Variants in CEP128 observed in about 807,000 individuals in gnomAD.
CEP128 encodes centrosomal protein 128kDa.
Under a neutral mutation model 156.7 loss-of-function variants are expected in CEP128, and 132 were observed. That is an observed-to-expected ratio of 0.84 (90% confidence interval 0.73 to 0.97). The LOEUF is 0.97. CEP128 is among the 50% of genes least tolerant of loss of function. CEP128 has a pLI of 0.00. For synonymous variants in CEP128, 469 were observed against 448.9 expected (o/e 1.04, Z -0.57); for missense variants, 1,252 against 1,281.9 (o/e 0.98, Z 0.36).
intron 19 of CEP128, among the ~76,000 whole-genome samples, chr14:80,676,681 CCA>C (rs1052451885): frequency 6.8e-4 from 104 of 151,958 alleles, no homozygotes; most frequent in African/African-American, 2.3e-3. Flanking sequence ...GATTTTTTTC[CCA>C]CAGATATATC....
intron 2 of CEP128, among the ~76,000 whole-genome samples, chr14:80,931,193 T>C (rs532150637): frequency 6.6e-6 from 1 of 152,358 alleles, no homozygotes; most frequent in Non-Finnish European, 1.5e-5. Context: ...AGTCTTTGAA[T>C]GATTACCTAA....
Position 80,683,337 on chromosome 14 carries a change from G to C in CEP128, c.2806+59738C>G, listed in dbSNP as rs144003495. ...ATCACAATTCTTATATTAGATGAAAGAGACTTTAAACCAACAATGTTAAAA... is the reference window on the plus strand; with the variant it reads ...ATCACAATTCTTATATTAGATGAAACAGACTTTAAACCAACAATGTTAAAA... On this transcript the variant is annotated intron_variant, in intron 19 of 24. Coordinates refer to ENST00000555265, the MANE Select transcript of CEP128 (RefSeq NM_152446.5). Among the ~76,000 whole-genome samples the C allele has an allele frequency of 2.5e-3, 381 of 152,178 alleles. 3 individuals carry two copies. Among genetic ancestry groups the C allele is most frequent in the African/African-American group, 7.9e-3 (330 of 41,530 alleles).
At chr14:80,729,061 GTGTGTGT>G (rs1898148000) in intron 19 of CEP128, among the ~76,000 whole-genome samples, 1 of 26,236 alleles carries the variant, frequency 3.8e-5, no homozygotes, top group Non-Finnish European at 9.0e-5. Flanking sequence ...TGGTGGGGGT[GTGTGTGT>G]GTGTGTGTGT....
intron 2 of CEP128, among the ~76,000 whole-genome samples, chr14:80,932,417 A>G (rs1885519837): frequency 6.6e-6 from 1 of 152,224 alleles, no homozygotes. Flanking sequence ...CTGGCCTTAA[A>G]AGTATGTCTG....
upstream of CEP128, among the ~76,000 whole-genome samples, chr14:80,942,800 C>G (rs757877314): frequency 2.0e-5 from 3 of 152,044 alleles, no homozygotes; most frequent in Admixed American, 2.0e-4. Context: ...TTCTCTCTCT[C>G]CCCCTTTCTC....
chr14:80,926,754 C>G (rs1885173485), intron 2 of CEP128, among the ~76,000 whole-genome samples: 1 of 152,224 alleles, frequency 6.6e-6, no homozygotes, highest in Non-Finnish European at 1.5e-5. Flanking sequence ...CAGCCCATTA[C>G]AATATCTGCA....
chr14:80,851,696 C>T (rs1438934452), intron 9 of CEP128, among the ~76,000 whole-genome samples: 3 of 151,424 alleles, frequency 2.0e-5, no homozygotes, highest in Middle Eastern at 3.4e-3. Context: ...TTCCAATAAT[C>T]GCAGTAAGTA....
At chr14:80,917,834 T>A (rs1884646897) in intron 2 of CEP128, among the ~76,000 whole-genome samples, 1 of 152,240 alleles carries the variant, frequency 6.6e-6, no homozygotes, top group Non-Finnish European at 1.5e-5. Context: ...AAATATTGGA[T>A]GAAACATAAC....
At chr14:80,937,183 T>C (rs1885854908) in intron 2 of CEP128, among the ~76,000 whole-genome samples, 2 of 151,810 alleles carry the variant, frequency 1.3e-5, no homozygotes, top group Non-Finnish European at 1.5e-5. Flanking sequence ...TAGCCAGGTG[T>C]GGTAGTGCAC....
chr14:80,954,127 G>A (rs1444809208), intron 2 of CEP128, among the ~76,000 whole-genome samples: 2 of 152,136 alleles, frequency 1.3e-5, no homozygotes, highest in East Asian at 1.9e-4. Context: ...AAAATTAGCC[G>A]GGCGTGGTGG....
intron 13 of CEP128, among the ~76,000 whole-genome samples, chr14:80,827,498 TAA>T (rs1885541971): frequency 6.6e-6 from 1 of 152,170 alleles, no homozygotes; most frequent in Admixed American, 6.5e-5. Flanking sequence ...AAAGAAAAAT[TAA>T]ACATAAGACT....
chr14:80,922,845 C>A (rs1884945982), intron 2 of CEP128, among the ~76,000 whole-genome samples: 2 of 152,144 alleles, frequency 1.3e-5, no homozygotes, highest in South Asian at 4.1e-4. Flanking sequence ...TCTTGAATAA[C>A]AATTTAAAGA....
At chr14:80,580,615 T>C (rs529474183) in intron 19 of CEP128, among the ~76,000 whole-genome samples, 192 bp from the exon 20 acceptor site, 1 of 152,268 alleles carries the variant, frequency 6.6e-6, no homozygotes, top group African/African-American at 2.4e-5. Flanking sequence ...CGCGGGAGCC[T>C]GCCAACTCTA....
At chr14:80,771,639 T>C (rs1232068451) in intron 16 of CEP128, among the ~76,000 whole-genome samples, 3 of 152,214 alleles carry the variant, frequency 2.0e-5, no homozygotes, top group Non-Finnish European at 4.4e-5. Flanking sequence ...TCAATTGCTA[T>C]AGCCTTAGAT....
intron 20 of CEP128, among the ~76,000 whole-genome samples, chr14:80,566,946 ATTTAAAG>A (rs1284533126): frequency 6.6e-6 from 1 of 151,996 alleles, no homozygotes; most frequent in Non-Finnish European, 1.5e-5. Context: ...AGAAAAGCCA[ATTTAAAG>A]TGATATGTCA....
At chr14:80,812,174 T>A (rs1320173844) in intron 13 of CEP128, among the ~76,000 whole-genome samples, 5 of 152,204 alleles carry the variant, frequency 3.3e-5, no homozygotes, top group African/African-American at 4.8e-5. Flanking sequence ...GTTCCTGAGT[T>A]AATTGGCTCA....
At chr14:80,860,948 C>G (rs1887484192) in intron 9 of CEP128, among the ~76,000 whole-genome samples, 1 of 151,946 alleles carries the variant, frequency 6.6e-6, no homozygotes, top group Admixed American at 6.6e-5. Flanking sequence ...TGTTTTGAAT[C>G]TTTTGTGTTT....
intron 19 of CEP128, among the ~76,000 whole-genome samples, chr14:80,644,649 A>G (rs1225219605): frequency 2.6e-5 from 4 of 152,328 alleles, no homozygotes; most frequent in African/African-American, 9.6e-5. Flanking sequence ...TTCTGTTAAT[A>G]TTCAATTCAA....
At chr14:80,547,669 A>G (rs1890041625) in intron 21 of CEP128, among the ~76,000 whole-genome samples, 1 of 152,166 alleles carries the variant, frequency 6.6e-6, no homozygotes, top group Non-Finnish European at 1.5e-5. Flanking sequence ...TAAATATCTC[A>G]TACATAATAT....
Sources: gnomAD v4.1 joint callset for allele counts (sites outside exome capture counted in the v4.1 genomes callset) on GRCh38, gnomAD v4.1.1 for gene constraint, MANE v1.5 for transcripts, NCBI Gene and HGNC (gene_info 2026-07-23, HGNC 2026-07-21) for gene names.